The following RUSC2 variants were observed in gnomAD, a reference collection of about 807,000 sequenced individuals.
RUSC2 encodes RUN and SH3 domain containing 2.
In RUSC2, 34 loss-of-function variants were observed where a neutral mutation model predicts 122.2. The ratio of observed to expected loss-of-function variants is 0.28; its 90% CI spans 0.21 to 0.37. RUSC2 has a LOEUF of 0.37. Among genes scored for constraint, RUSC2 ranks in the 10% least tolerant of loss-of-function variants. The pLI, the probability that RUSC2 is intolerant of heterozygous loss-of-function variation, is 1.00. For missense variants in RUSC2, 1,747 were observed against 1,952.4 expected (o/e 0.89, Z 1.98); for synonymous variants, 784 against 790.0 (o/e 0.99, Z 0.13).
At chr9:35,521,830 C>T (rs1381349782) in intron 1 of RUSC2, among the ~76,000 whole-genome samples, 1 of 152,206 alleles carries the variant, frequency 6.6e-6, no homozygotes, top group African/African-American at 2.4e-5. Flanking sequence ...TAACATGATA[C>T]GAGTTAGAAA....
At chr9:35,549,293 G>GTTTTTTT (rs10625373) in intron 2 of RUSC2, 5 of 802,250 alleles carry the variant, frequency 6.2e-6, no homozygotes, top group Non-Finnish European at 6.0e-6. Context: ...CGTCAGTGAA[G>GTTTTTTT]TTTTTTTTTT....
In RUSC2 at chr9:35,558,270, G is replaced by A. The variant is rs554249665; in HGVS notation, c.3134G>A (p.Arg1045His). 33 of 1,614,164 alleles carry A rather than the reference G, an allele frequency of 2.0e-5. No individual in the cohort carries two copies. The highest frequency in any genetic ancestry group is 1.1e-4 in the South Asian group (10 of 91,084). The change falls in exon 7 of 12, where the codon CGC becomes CAC. Residue 1045 changes from arginine to histidine, a missense_variant. Coordinates refer to ENST00000361226, the MANE Select transcript of RUSC2 (RefSeq NM_014806.5). The surrounding 1 kb of genome is among the most constrained non-coding windows in gnomAD (Gnocchi z 4.3). Reference sequence around the variant, plus strand: ...CTGAAGTACTTGTGCCCTGCCGTCCGCGCCGTGCTGGAGGATGGGCTCAAG... The same window carrying A: ...CTGAAGTACTTGTGCCCTGCCGTCCACGCCGTGCTGGAGGATGGGCTCAAG... ...LVLKYLCPAV[R>H]AVLEDGLKAF... is the part of the protein sequence containing the mutation.
chr9:35,540,089 C>T (rs980148330), intron 1 of RUSC2, among the ~76,000 whole-genome samples: 3 of 152,112 alleles, frequency 2.0e-5, no homozygotes, highest in Non-Finnish European at 2.9e-5. Flanking sequence ...GAAAGAGTTC[C>T]CTAAATTCCC....
chr9:35,503,432 C>T (rs143826912), intron 1 of RUSC2, among the ~76,000 whole-genome samples: 182 of 152,172 alleles, frequency 1.2e-3, no homozygotes, highest in African/African-American at 4.2e-3. Context: ...CTAAAAAAGC[C>T]GTTATTTTAT....
Position 35,555,568 on chromosome 9 carries a change from G to A in RUSC2, c.2523G>A (p.Leu841=), listed in dbSNP as rs762760684. 1 of 1,614,096 alleles carries A rather than the reference G, an allele frequency of 6.2e-7. No homozygotes were observed. Among genetic ancestry groups the A allele is most frequent in the Non-Finnish European group, 8.5e-7 (1 of 1,180,038 alleles). The change falls in exon 3 of 12, where the codon CTG becomes CTA. Residue 841 remains leucine, a synonymous_variant. Transcript: ENST00000361226. This position sits in a 1 kb window ranked among gnomAD's most constrained non-coding sequence, Gnocchi z 4.6. ...CGCAGAAGGAGGATCAGAAGATACTGACCTTGACTGAGTACCGGCTCCATG... is the reference window on the plus strand; with the variant it reads ...CGCAGAAGGAGGATCAGAAGATACTAACCTTGACTGAGTACCGGCTCCATG... The part of the protein sequence containing the change: ...QQPQKEDQKI[L]TLTEYRLHGT...
At chr9:35,499,802 AAG>A (rs1173679745) in intron 1 of RUSC2, among the ~76,000 whole-genome samples, 1 of 152,212 alleles carries the variant, frequency 6.6e-6, no homozygotes, top group East Asian at 1.9e-4. Context: ...GCAAAAGAAA[AAG>A]AGCAAAGTTC....
chr9:35,503,712 T>TTCCCAATAGCATCCCAATAGCA (rs58582133), intron 1 of RUSC2, among the ~76,000 whole-genome samples: 1 of 151,920 alleles, frequency 6.6e-6, no homozygotes, highest in Non-Finnish European at 1.5e-5. Context: ...CCAGTTTACA[T>TTCCCAATAGCATCCCAATAGCA]TCCCAATAGC....
intron 1 of RUSC2, among the ~76,000 whole-genome samples, chr9:35,493,938 G>C (rs1313701014): frequency 6.6e-6 from 1 of 152,162 alleles, no homozygotes; most frequent in Non-Finnish European, 1.5e-5. Flanking sequence ...GTGAACATGA[G>C]TGTACAGATA....
intron 1 of RUSC2, among the ~76,000 whole-genome samples, chr9:35,523,768 T>C (rs1000810536): frequency 6.6e-6 from 1 of 150,870 alleles, no homozygotes; most frequent in Non-Finnish European, 1.5e-5. Context: ...TGAGCCAAGA[T>C]AGGGCCACTG....
At chr9:35,534,435 C>A in intron 1 of RUSC2, among the ~76,000 whole-genome samples, 1 of 151,382 alleles carries the variant, frequency 6.6e-6, no homozygotes, top group South Asian at 2.1e-4. Context: ...CACACACACA[C>A]ACACACACAC....
chr9:35,550,035 A>G (rs969147866), intron 2 of RUSC2, among the ~76,000 whole-genome samples: 8 of 151,946 alleles, frequency 5.3e-5, no homozygotes, highest in African/African-American at 1.9e-4. Context: ...AACATGGTAA[A>G]ACCCCATCTC....
chr9:35,517,206 C>T (rs1449712035), intron 1 of RUSC2, among the ~76,000 whole-genome samples: 1 of 152,134 alleles, frequency 6.6e-6, no homozygotes, highest in Non-Finnish European at 1.5e-5. Context: ...TGTTTTGAAT[C>T]CCAGGGTAGA....
chr9:35,504,205 A>C (rs1035002142), intron 1 of RUSC2, among the ~76,000 whole-genome samples: 1 of 152,182 alleles, frequency 6.6e-6, no homozygotes, highest in Non-Finnish European at 1.5e-5. Flanking sequence ...GACTTGAGAT[A>C]TATATTTTTC....
chr9:35,502,173 A>G (rs1183817455), intron 1 of RUSC2, among the ~76,000 whole-genome samples: 1 of 152,212 alleles, frequency 6.6e-6, no homozygotes, highest in Non-Finnish European at 1.5e-5. Flanking sequence ...AAGTTCACAC[A>G]TGAAGCTGAT....
intron 2 of RUSC2, chr9:35,549,007 G>A (rs772336098): frequency 1.1e-6 from 1 of 934,876 alleles, no homozygotes; most frequent in Non-Finnish European, 1.3e-6. Flanking sequence ...ACTCCAGCCT[G>A]GGCAGACAGA....
chr9:35,509,671 A>C (rs1820978568), intron 1 of RUSC2, among the ~76,000 whole-genome samples: 1 of 152,206 alleles, frequency 6.6e-6, no homozygotes, highest in Non-Finnish European at 1.5e-5. Context: ...CCCTGTTGTA[A>C]ACTGGTAAAT....
chr9:35,529,279 C>T (rs922253700), intron 1 of RUSC2, among the ~76,000 whole-genome samples: 1 of 151,902 alleles, frequency 6.6e-6, no homozygotes, highest in Non-Finnish European at 1.5e-5. Flanking sequence ...GTAAAATGAA[C>T]CAGTGAAGCT....
rs544096152 is a variant in RUSC2 at position 35,555,286 on chromosome 9, A to G, written c.2241A>G (p.Ser747=). The change falls in exon 3 of 12, where the codon TCA becomes TCG. Residue 747 remains serine, a synonymous_variant. Coordinates refer to ENST00000361226, the MANE Select transcript of RUSC2 (RefSeq NM_014806.5). The surrounding 1 kb of genome is among the most constrained non-coding windows in gnomAD (Gnocchi z 4.6). ...PAAQVSVPAP[S]GEPQASTPRA... ...CTCAAGTCTCAGTCCCAGCTCCCTC[A>G]GGGGAACCGCAGGCATCCACTCCCC... 3.7e-5 allele frequency: 59 copies of G among 1,613,680 alleles called. 1 individual carries two copies. The South Asian group carries it at 6.3e-4, about 17-fold the overall frequency.
chr9:35,561,253 A>T lies in RUSC2; in HGVS notation c.4422A>T (p.Leu1474=). ...GQLSFHKGDI[L]RVLGRAGGDW... ...TGAGCTTCCACAAAGGAGACATCCTACGAGTGCTGGGGCGAGCTGGAGGAG... is the reference window on the plus strand; with the variant it reads ...TGAGCTTCCACAAAGGAGACATCCTTCGAGTGCTGGGGCGAGCTGGAGGAG... The change falls in exon 12 of 12, where the codon CTA becomes CTT. Residue 1474 remains leucine, a synonymous_variant. Transcript: ENST00000361226. 1 of 1,614,206 alleles carries T rather than the reference A, an allele frequency of 6.2e-7. No individual in the cohort carries two copies. Among genetic ancestry groups the T allele is most frequent in the Non-Finnish European group, 8.5e-7 (1 of 1,180,030 alleles).
Sources: gnomAD v4.1 joint callset for allele counts (sites outside exome capture counted in the v4.1 genomes callset) on GRCh38, gnomAD v4.1.1 for gene constraint, Gnocchi (gnomAD v3.1) non-coding constraint, MANE v1.5 for transcripts, NCBI Gene and HGNC (gene_info 2026-07-23, HGNC 2026-07-21) for gene names.